Variants in SNRNP200 observed in about 807,000 individuals in gnomAD.
SNRNP200 encodes the protein U5 small nuclear ribonucleoprotein 200 kDa helicase.
A neutral mutation model predicts 255.2 loss-of-function variants in SNRNP200; 66 were observed. The observed-to-expected ratio is 0.26, with a 90% CI of 0.21 to 0.32. The LOEUF (loss-of-function observed/expected upper bound fraction) is 0.32. SNRNP200 is among the 10% of genes least tolerant of loss of function. The pLI, the probability that SNRNP200 is intolerant of heterozygous loss-of-function variation, is 1.00. For missense variants in SNRNP200, 1,585 were observed against 2,749.8 expected, an observed-to-expected ratio of 0.58 and a Z score of 9.47; for synonymous variants, 939 against 1,027.8, an observed-to-expected ratio of 0.91 and a Z score of 1.65.
In SNRNP200 at chr2:96,300,986, T is replaced by C. The variant is rs199521556; in HGVS notation, c.630+12A>G. ...CAAAAACAAGAATGGACTGGGTATG[T>C]TTATCACTCACCTCCTCATCAGACT... On this transcript the variant is annotated intron_variant, in intron 5 of 44. Transcript: ENST00000323853. 2 of 1,612,026 alleles carry C rather than the reference T, an allele frequency of 1.2e-6. No individual in the cohort carries two copies. Among genetic ancestry groups the C allele is most frequent in the Non-Finnish European group, 1.7e-6 (2 of 1,178,198 alleles).
At chr2:96,279,301 G>A in intron 36 of SNRNP200, 150 bp downstream of exon 36, 1 of 715,890 alleles carries the variant, frequency 1.4e-6, no homozygotes, top group Non-Finnish European at 2.5e-6. Flanking sequence ...AAAATTCCAT[G>A]TGGGTGGCAG....
rs753059536 is a variant in SNRNP200 at position 96,283,477 on chromosome 2, G to A, written c.4763+58C>T. The A allele has an allele frequency of 5.2e-4, 840 of 1,612,802 alleles. No homozygotes were observed. The highest frequency in any genetic ancestry group is 6.6e-4 in the Non-Finnish European group (775 of 1,179,200). On this transcript the variant is annotated intron_variant, in intron 33 of 44. Coordinates refer to ENST00000323853, the MANE Select transcript of SNRNP200 (RefSeq NM_014014.5). The surrounding 1 kb of genome is among the most constrained non-coding windows in gnomAD (Gnocchi z 4.7). ...CCACCCTCATAAAGAGGACACCCTT[G>A]GAGTAGGCCAGCCTCACTTAACCTA...
intron 1 of SNRNP200, 66 bp downstream of exon 1, chr2:96,305,327 C>T: frequency 1.2e-6 from 2 of 1,602,380 alleles, no homozygotes; most frequent in Non-Finnish European, 1.7e-6. Flanking sequence ...CTGAAACTCC[C>T]TTTTTCAGCC....
chr2:96,296,512 T>C (rs1172283130), intron 13 of SNRNP200, 24 bp downstream of exon 13: 1 of 1,613,302 alleles, frequency 6.2e-7, no homozygotes. Flanking sequence ...CAGTATCCTC[T>C]GCAGGAAAGT....
intron 2 of SNRNP200, among the ~76,000 whole-genome samples, chr2:96,304,063 G>A: frequency 6.6e-6 from 1 of 152,014 alleles, no homozygotes; most frequent in East Asian, 1.9e-4. Flanking sequence ...AACTGGAAAA[G>A]AAGATATAGC....
chr2:96,278,069 G>A lies in SNRNP200; in HGVS notation c.5611-119C>T. 1 of 1,536,714 alleles carries A rather than the reference G, an allele frequency of 6.5e-7. No individual in the cohort carries two copies. Among genetic ancestry groups the A allele is most frequent in the Non-Finnish European group, 9.0e-7 (1 of 1,112,210 alleles). On this transcript the variant is annotated intron_variant, in intron 39 of 44. Coordinates refer to ENST00000323853, the MANE Select transcript of SNRNP200 (RefSeq NM_014014.5). This position sits in a 1 kb window ranked among gnomAD's most constrained non-coding sequence, Gnocchi z 6.9. The stretch of plus-strand genomic sequence containing the variant: ...CCCTTCAACACCCTGAGGCATGTGG[G>A]TGGTAATGGGATGGAGATGGGTTTG...
chr2:96,283,968 T>G lies in SNRNP200; in HGVS notation c.4429A>C (p.Ile1477Leu). The G allele has an allele frequency of 1.9e-6, 3 of 1,598,610 alleles. No individual in the cohort carries two copies. Among genetic ancestry groups the G allele is most frequent in the African/African-American group, 2.7e-5 (2 of 74,262 alleles). The change falls in exon 32 of 45, where the codon ATC becomes CTC. Residue 1477 changes from isoleucine to leucine, a missense_variant. Ile to Leu is a conservative substitution (Grantham distance 5). Transcript: ENST00000323853. The surrounding 1 kb of genome is among the most constrained non-coding windows in gnomAD (Gnocchi z 4.7). ...ATGGGCCGCTCAATCTGGGAGGAGATGTAGCGCATTCGGGAGCAGATCACT... is the reference window on the plus strand; with the variant it reads ...ATGGGCCGCTCAATCTGGGAGGAGAGGTAGCGCATTCGGGAGCAGATCACT... Reference protein sequence around the residue: ...LEVICSRMRYISSQIERPIRI... With the variant: ...LEVICSRMRYLSSQIERPIRI...
At position 96,277,713 on chromosome 2, in the gene SNRNP200, T is replaced by G; in HGVS notation, c.5757A>C (p.Ala1919=). The change falls in exon 41 of 45, where the codon GCA becomes GCC. Residue 1919 remains alanine, a splice_region_variant and synonymous_variant. Transcript: ENST00000323853. The surrounding 1 kb of genome is among the most constrained non-coding windows in gnomAD (Gnocchi z 4.4). ...QSDTEEILSK[A]IRLIQACVDV... ...CCACGCAGGCCTGGATGAGCCGGAT[T>G]GCCTGAACAGGAAAAGGAGTATAAA... The G allele has an allele frequency of 6.2e-7, 1 of 1,614,114 alleles. No individual in the cohort carries two copies. Among genetic ancestry groups the G allele is most frequent in the Non-Finnish European group, 8.5e-7 (1 of 1,180,024 alleles).
rs572113985 is a variant in SNRNP200, at chr2:96,296,545, G to A, written c.1662C>T (p.Ser554=). ...MRSLVQEMVG[S]FGKRLATYGI... The stretch of plus-strand genomic sequence containing the variant: ...AGTTCTACTCCCTCACCTTTCCAAA[G>A]CTGCCCACCATCTCCTGCACCAAGG... The change falls in exon 13 of 45, where the codon AGC becomes AGT. Residue 554 remains serine, a synonymous_variant. Transcript: ENST00000323853. 4.7e-4 allele frequency: 763 copies of A among 1,614,058 alleles called. 13 individuals carry two copies. The South Asian group carries it at 7.9e-3, about 17-fold the overall frequency.
chr2:96,299,424 C>T lies in SNRNP200; in HGVS notation c.634G>A (p.Gly212Ser). The T allele has an allele frequency of 6.2e-7, 1 of 1,613,618 alleles. No individual in the cohort carries two copies. Among genetic ancestry groups the T allele is most frequent in the Non-Finnish European group, 8.5e-7 (1 of 1,179,602 alleles). Residue 212 changes from glycine (G) to serine (S), a missense_variant, in exon 6 of 45, where the codon GGT becomes AGT. Physicochemically the swap from Gly to Ser is moderately conservative, Grantham distance 56. Around this residue, in one of 9 missense-constraint regions of SNRNP200, gnomAD observed 383 missense variants for 645.3 expected, o/e 0.59. Transcript: ENST00000323853. ...ACCTCCCCGTATACGTCTTCATCAC[C>T]TTCCTGTGGAAATGACCCCAACTCA... Reference protein sequence around the residue: ...NVQFESDEEEGDEDVYGEVRE... With the variant: ...NVQFESDEEESDEDVYGEVRE...
intron 6 of SNRNP200, 77 bp from the exon 7 acceptor site, chr2:96,299,044 T>A: frequency 1.3e-6 from 2 of 1,585,856 alleles, no homozygotes; most frequent in East Asian, 4.5e-5. Flanking sequence ...TGCAACCAAG[T>A]TCTACTTGAC....
intron 3 of SNRNP200, among the ~76,000 whole-genome samples, chr2:96,302,002 T>C (rs1339955576): frequency 3.3e-5 from 5 of 152,206 alleles, no homozygotes; most frequent in Non-Finnish European, 7.3e-5. Flanking sequence ...TGCCACACTT[T>C]TGTAATTCTT....
At position 96,291,557 on chromosome 2, in the gene SNRNP200, G is replaced by C; in HGVS notation, c.2311-55C>G. ...AGCCTTCCTGTAGGACTCATCCAAG[G>C]ACTAAGGAAATCTCCTCCCATGAGA... On this transcript the variant is annotated intron_variant, in intron 17 of 44. Coordinates refer to ENST00000323853, the MANE Select transcript of SNRNP200 (RefSeq NM_014014.5). The surrounding 1 kb of genome is among the most constrained non-coding windows in gnomAD (Gnocchi z 4.2). 1 of 1,318,268 alleles carries C rather than the reference G, an allele frequency of 7.6e-7. No individual in the cohort carries two copies. The highest frequency in any genetic ancestry group is 1.2e-5 in the South Asian group (1 of 85,228). 81.7% of individuals were successfully genotyped at this position (1,318,268 alleles called of 1,614,324 possible).
In SNRNP200 at chr2:96,291,623, T is replaced by C. The variant is rs2063884669; in HGVS notation, c.2311-121A>G. On this transcript the variant is annotated intron_variant, in intron 17 of 44. Transcript: ENST00000323853. The surrounding 1 kb of genome is among the most constrained non-coding windows in gnomAD (Gnocchi z 4.2). ...ATTATGTGGAATAGTAATAATCACATCCAGACAATCAACCTTAACCCATGG... is the reference window on the plus strand; with the variant it reads ...ATTATGTGGAATAGTAATAATCACACCCAGACAATCAACCTTAACCCATGG... 3.9e-6 allele frequency: 5 copies of C among 1,285,124 alleles called. No homozygotes were observed. Among genetic ancestry groups the C allele is most frequent in the South Asian group, 1.2e-5 (1 of 84,366 alleles). The allele number at this position is 1,285,124 out of a possible 1,614,324, so 79.6% of individuals were successfully genotyped here.
At chr2:96,294,848 T>C (rs1368937484) in intron 14 of SNRNP200, among the ~76,000 whole-genome samples, 1 of 152,228 alleles carries the variant, frequency 6.6e-6, no homozygotes, top group Non-Finnish European at 1.5e-5. Context: ...ATTTCAGACA[T>C]AGCTTCTTGG....
chr2:96,305,410 G>A lies in SNRNP200; in HGVS notation c.28C>T (p.Gln10Ter). The A allele has an allele frequency of 6.2e-7, 1 of 1,614,166 alleles. No homozygotes were observed. Among genetic ancestry groups the A allele is most frequent in the Non-Finnish European group, 8.5e-7 (1 of 1,180,036 alleles). ...AAACGCACCGCCTTGTACTCGTATTGCAGACTACGGGCGGTTACATCCGCC... is the reference window on the plus strand; with the variant it reads ...AAACGCACCGCCTTGTACTCGTATTACAGACTACGGGCGGTTACATCCGCC... MADVTARSL[Q>*]YEYKANSNLV... Residue 10 changes from glutamine (Q) to a stop codon, truncating the protein, a stop_gained, in exon 1 of 45, where the codon CAA (glutamine) becomes TAA (stop). Transcript: ENST00000323853. LOFTEE classifies it high-confidence loss of function.
At chr2:96,296,496 T>C (rs771912286) in intron 13 of SNRNP200, 40 bp downstream of exon 13, 9 of 1,608,904 alleles carry the variant, frequency 5.6e-6, no homozygotes, top group East Asian at 2.2e-5. Context: ...CTTTCATAGG[T>C]GCACCCAGTA....
chr2:96,285,085 T>C (rs1364766142), intron 30 of SNRNP200, 95 bp downstream of exon 30: 2 of 1,442,864 alleles, frequency 1.4e-6, no homozygotes, highest in African/African-American at 2.8e-5. Flanking sequence ...ACTGAGGAAA[T>C]GACCCTGCAA....
chr2:96,291,311 G>T lies in SNRNP200; in HGVS notation c.2421+81C>A. The stretch of plus-strand genomic sequence containing the variant: ...GGCCAGAAGCAATAAAGTACCAGGA[G>T]CAAACATGGCACAAACTTGACATTG... On this transcript the variant is annotated intron_variant, in intron 18 of 44. Coordinates refer to ENST00000323853, the MANE Select transcript of SNRNP200 (RefSeq NM_014014.5). This position sits in a 1 kb window ranked among gnomAD's most constrained non-coding sequence, Gnocchi z 4.2. The T allele has an allele frequency of 1.2e-6, 1 of 861,310 alleles. No individual in the cohort carries two copies. Among genetic ancestry groups the T allele is most frequent in the Non-Finnish European group, 2.0e-6 (1 of 495,088 alleles). 53.4% of individuals were successfully genotyped at this position (861,310 alleles called of 1,614,324 possible).
Sources: allele counts gnomAD v4.1 joint callset (sites outside exome capture counted in the v4.1 genomes callset), GRCh38; gene constraint gnomAD v4.1.1; regional missense constraint gnomAD v4.1.1; non-coding constraint Gnocchi (gnomAD v3.1); transcripts MANE v1.5; gene names NCBI Gene and HGNC (gene_info 2026-07-23, HGNC 2026-07-21).